NEURL1B: variants seen among roughly 807,000 people sequenced by gnomAD.
NEURL1B encodes the protein E3 ubiquitin-protein ligase NEURL1B.
A neutral mutation model predicts 37.4 loss-of-function variants in NEURL1B; 13 were observed. The observed-to-expected ratio is 0.35, with a 90% CI of 0.23 to 0.55. NEURL1B has a LOEUF of 0.55. Among genes scored for constraint, NEURL1B ranks in the 20% least tolerant of loss-of-function variants. NEURL1B has a pLI of 0.89. For missense variants in NEURL1B, 790 were observed against 879.2 expected, an observed-to-expected ratio of 0.90 and a Z score of 1.28; for synonymous variants, 432 against 426.6, an observed-to-expected ratio of 1.01 and a Z score of -0.16.
intron 2 of NEURL1B, among the ~76,000 whole-genome samples, chr5:172,672,546 C>CCCA (rs1554098441): frequency 1.4e-5 from 2 of 147,384 alleles, no homozygotes; most frequent in East Asian, 4.2e-4. Context: ...ACTCTCCCCC[C>CCCA]CCCACTCTAT....
rs1415478143 is a variant in NEURL1B at position 172,641,487 on chromosome 5, C to G, written c.31+50C>G. Reference sequence around the variant, plus strand: ...AGGCGGGCGCCGGGCTTCTCTCCTCCGGGGGACCCGCTGGGTGACTCTGGA... The same window carrying G: ...AGGCGGGCGCCGGGCTTCTCTCCTCGGGGGGACCCGCTGGGTGACTCTGGA... On this transcript the variant is annotated intron_variant, in intron 1 of 4. Coordinates refer to ENST00000369800, the MANE Select transcript of NEURL1B (RefSeq NM_001142651.3). This position sits in a 1 kb window ranked among gnomAD's most constrained non-coding sequence, Gnocchi z 6.4. The G allele has an allele frequency of 8.0e-7, 1 of 1,253,052 alleles. No individual in the cohort carries two copies. Among genetic ancestry groups the G allele is most frequent in the Non-Finnish European group, 1.0e-6 (1 of 998,340 alleles). The allele number at this position is 1,253,052 out of a possible 1,614,324, so 77.6% of individuals were successfully genotyped here.
At position 172,641,966 on chromosome 5, in the gene NEURL1B, C is replaced by G. The variant is rs1285630057; in HGVS notation, c.31+529C>G. 1.3e-5 allele frequency among the ~76,000 whole-genome samples: 2 copies of G among 152,250 alleles called. No individual in the cohort carries two copies. The highest frequency in any genetic ancestry group is 1.9e-4 in the East Asian group (1 of 5,188). ...CCACGCGCACCCCGGTTGCGCCCCC[C>G]TCTGGTGTCCGCTCCACTGGGGACT... On this transcript the variant is annotated intron_variant, in intron 1 of 4. Coordinates refer to ENST00000369800, the MANE Select transcript of NEURL1B (RefSeq NM_001142651.3). This position sits in a 1 kb window ranked among gnomAD's most constrained non-coding sequence, Gnocchi z 6.4.
At chr5:172,658,318 C>A (rs1263421534) in intron 1 of NEURL1B, among the ~76,000 whole-genome samples, 1 of 152,170 alleles carries the variant, frequency 6.6e-6, no homozygotes, top group Non-Finnish European at 1.5e-5. Flanking sequence ...AAGCACGTAG[C>A]CCTTTACCTC....
chr5:172,659,359 G>A (rs1170925353), intron 1 of NEURL1B, among the ~76,000 whole-genome samples: 1 of 152,194 alleles, frequency 6.6e-6, no homozygotes, highest in Non-Finnish European at 1.5e-5. Flanking sequence ...GCACCACCCA[G>A]GCTGGGGGAG....
chr5:172,659,967 C>T (rs1240465938), intron 1 of NEURL1B, among the ~76,000 whole-genome samples: 2 of 152,258 alleles, frequency 1.3e-5, no homozygotes, highest in Admixed American at 6.5e-5. Context: ...ATGGGGTCTG[C>T]TTATGTCCAT....
chr5:172,653,019 G>A (rs1328699227), intron 1 of NEURL1B, among the ~76,000 whole-genome samples: 1 of 152,122 alleles, frequency 6.6e-6, no homozygotes, highest in African/African-American at 2.4e-5. Context: ...ACAAGGTAGG[G>A]TCCTTCCCAG....
Position 172,673,805 on chromosome 5 carries a change from G to A in NEURL1B, c.577+3475G>A, listed in dbSNP as rs150682208. ...GCGTATCCCATGCAATGTTTGGGACGTACTTATGCAAAAAAAAAAAAAAAA... is the reference window on the plus strand; with the variant it reads ...GCGTATCCCATGCAATGTTTGGGACATACTTATGCAAAAAAAAAAAAAAAA... On this transcript the variant is annotated intron_variant, in intron 2 of 4. Transcript: ENST00000369800. Among the ~76,000 whole-genome samples the A allele has an allele frequency of 7.2e-3, 769 of 106,172 alleles. 1 individual carries two copies. Among genetic ancestry groups the A allele is most frequent in the African/African-American group, 0.031 (721 of 23,060 alleles). The allele number at this position is 106,172 out of a possible 152,430, so 69.7% of individuals were successfully genotyped here.
chr5:172,657,794 G>A lies in NEURL1B; in HGVS notation c.32-11991G>A, dbSNP rs1757823254. On this transcript the variant is annotated intron_variant, in intron 1 of 4. Transcript: ENST00000369800. This position sits in a 1 kb window ranked among gnomAD's most constrained non-coding sequence, Gnocchi z 4.0. ...ATCCAGGCCTGCCCGCAGTCATCCGGAGGCCTAAACCCCTCCCTGTGGTGC... is the reference window on the plus strand; with the variant it reads ...ATCCAGGCCTGCCCGCAGTCATCCGAAGGCCTAAACCCCTCCCTGTGGTGC... 6.6e-6 allele frequency among the ~76,000 whole-genome samples: 1 copy of A among 152,140 alleles called. No homozygotes were observed. Among genetic ancestry groups the A allele is most frequent in the African/African-American group, 2.4e-5 (1 of 41,430 alleles).
At chr5:172,656,462 G>A (rs1757780010) in intron 1 of NEURL1B, 2 of 1,396,380 alleles carry the variant, frequency 1.4e-6, no homozygotes, top group African/African-American at 1.4e-5. Context: ...AGGGAATAGA[G>A]AGGTTTAAAT....
In NEURL1B at chr5:172,686,289, A is replaced by T; in HGVS notation, c.1416A>T (p.Ser472=). 6.4e-7 allele frequency: 1 copy of T among 1,551,706 alleles called. No homozygotes were observed. Among genetic ancestry groups the T allele is most frequent in the Non-Finnish European group, 8.7e-7 (1 of 1,146,992 alleles). ...ACCAGTCCTCCTCGGCATCTGAGTC[A>T]TCCCTGGGTAAGGAAATGCAAACCC... ...SVNQSSSASE[S]SLVTAPSSPL... Residue 472 remains serine, a synonymous_variant, in exon 4 of 5, where the codon TCA becomes TCT. Coordinates refer to ENST00000369800, the MANE Select transcript of NEURL1B (RefSeq NM_001142651.3). The surrounding 1 kb of genome is among the most constrained non-coding windows in gnomAD (Gnocchi z 7.9).
At chr5:172,649,947 G>A (rs991452430) in intron 1 of NEURL1B, among the ~76,000 whole-genome samples, 1 of 151,512 alleles carries the variant, frequency 6.6e-6, no homozygotes, top group Admixed American at 6.6e-5. Flanking sequence ...AGAGCTGGCC[G>A]CTAGCCTCAC....
intron 2 of NEURL1B, among the ~76,000 whole-genome samples, chr5:172,681,262 G>C (rs1354457992): frequency 2.6e-5 from 4 of 152,036 alleles, no homozygotes; most frequent in Non-Finnish European, 4.4e-5. Context: ...GTTTATTGAA[G>C]GAAAACTAGA....
Position 172,685,189 on chromosome 5 carries a change from G to A in NEURL1B, c.1298-982G>A, listed in dbSNP as rs546983274. Among the ~76,000 whole-genome samples, 29 of 152,340 alleles carry A rather than the reference G, an allele frequency of 1.9e-4. 1 individual carries two copies. The South Asian group carries it at 6.0e-3, about 32-fold the overall frequency. On this transcript the variant is annotated intron_variant, in intron 3 of 4. Transcript: ENST00000369800. ...GGGGTTGTCATGAGGATGAAATCAT[G>A]TGCATATAATGCCTTGAGCGGGGCC...
chr5:172,643,915 C>A (rs1164455164), intron 1 of NEURL1B, among the ~76,000 whole-genome samples: 3 of 152,034 alleles, frequency 2.0e-5, no homozygotes, highest in Non-Finnish European at 4.4e-5. Flanking sequence ...TGATCCCTCT[C>A]CCCGGCACAT....
In NEURL1B at chr5:172,650,135, C is replaced by T. The variant is rs192709847; in HGVS notation, c.31+8698C>T. ...ATATCACAATTGCATCCCTCAGGCA[C>T]GTATTTTCTTTCCTTTTGCTACAAG... is the stretch of plus-strand genomic sequence containing the variant. On this transcript the variant is annotated intron_variant, in intron 1 of 4. Coordinates refer to ENST00000369800, the MANE Select transcript of NEURL1B (RefSeq NM_001142651.3). Among the ~76,000 whole-genome samples the T allele has an allele frequency of 1.7e-3, 256 of 152,304 alleles. 1 individual carries two copies. The highest frequency in any genetic ancestry group is 5.7e-3 in the African/African-American group (239 of 41,566).
Position 172,680,611 on chromosome 5 carries a change from CAATTT to C in NEURL1B, c.578-2806_578-2802del. ...ATGCCTTTTTTCTGATTATAAAAAT[CAATTT>C]ATGTTCATTAGAGAAAAAGAGAAAA... On this transcript the variant is annotated intron_variant, in intron 2 of 4. Transcript: ENST00000369800. Among the ~76,000 whole-genome samples, 7 of 152,190 alleles carry C rather than the reference CAATTT, an allele frequency of 4.6e-5. 1 individual carries two copies. In the East Asian group the frequency reaches 1.3e-3, roughly 29 times the overall value.
At chr5:172,679,562 T>A (rs1021165418) in intron 2 of NEURL1B, among the ~76,000 whole-genome samples, 1 of 152,244 alleles carries the variant, frequency 6.6e-6, no homozygotes, top group Admixed American at 6.5e-5. Context: ...AGGCTGGCGC[T>A]GTGCTGTCTT....
At chr5:172,667,636 C>T (rs1758041005) in intron 1 of NEURL1B, among the ~76,000 whole-genome samples, 1 of 152,048 alleles carries the variant, frequency 6.6e-6, no homozygotes, top group African/African-American at 2.4e-5. Context: ...TTTACTGGTA[C>T]CTACCCCCAA....
Position 172,686,713 on chromosome 5 carries a change from G to C in NEURL1B, c.1456G>C (p.Val486Leu), listed in dbSNP as rs1382905957. The C allele has an allele frequency of 2.6e-6, 4 of 1,550,970 alleles. No individual in the cohort carries two copies. The highest frequency in any genetic ancestry group is 2.0e-5 in the Admixed American group (1 of 50,974). The change falls in exon 5 of 5, where the codon GTG becomes CTG. Residue 486 changes from valine (V) to leucine (L), a missense_variant. This residue lies in a region of NEURL1B where 115 missense variants were observed against 162.6 expected (regional missense o/e 0.71). Coordinates refer to ENST00000369800, the MANE Select transcript of NEURL1B (RefSeq NM_001142651.3). This position sits in a 1 kb window ranked among gnomAD's most constrained non-coding sequence, Gnocchi z 7.9. ...TAPSSPLSPPVSPVFSPPEPA... is the reference protein window; with the variant it reads ...TAPSSPLSPPLSPVFSPPEPA... ...CCCCAGCTCCCCGCTGAGCCCCCCG[G>C]TGTCCCCCGTGTTCTCCCCACCGGA... is the stretch of plus-strand genomic sequence containing the variant.
Sources: allele counts gnomAD v4.1 joint callset (sites outside exome capture counted in the v4.1 genomes callset), GRCh38; gene constraint gnomAD v4.1.1; regional missense constraint gnomAD v4.1.1; non-coding constraint Gnocchi (gnomAD v3.1); transcripts MANE v1.5; gene names NCBI Gene and HGNC (gene_info 2026-07-23, HGNC 2026-07-21).